The following LTK variants were observed in gnomAD, a reference collection of about 807,000 sequenced individuals.
LTK encodes the protein leukocyte receptor tyrosine kinase.
In LTK, 117 loss-of-function variants were observed where a neutral mutation model predicts 101.5. That is an observed-to-expected ratio of 1.15 (90% CI 0.99 to 1.34). The LOEUF is 1.34. LTK is among the 40% of genes most tolerant of loss of function. The pLI, the probability that LTK is intolerant of heterozygous loss-of-function variation, is 0.00. For synonymous variants in LTK, 563 were observed against 494.2 expected, an observed-to-expected ratio of 1.14 and a Z score of -1.85; for missense variants, 1,252 against 1,164.7, an observed-to-expected ratio of 1.07 and a Z score of -1.09.
At chr15:41,512,563 C>T in intron 3 of LTK, 144 bp downstream of exon 3, 1 of 1,114,666 alleles carries the variant, frequency 9.0e-7, no homozygotes, top group Non-Finnish European at 1.2e-6. Context: ...GTGGCGACTA[C>T]TGCCACCTTG....
In LTK at chr15:41,511,303, G is replaced by C; in HGVS notation, c.858C>G (p.Ala286=). 1.5e-6 allele frequency: 2 copies of C among 1,371,134 alleles called. No individual in the cohort carries two copies. The highest frequency in any genetic ancestry group is 1.9e-6 in the Non-Finnish European group (2 of 1,070,070). 84.9% of individuals were successfully genotyped at this position (1,371,134 alleles called of 1,614,324 possible). Reference sequence around the variant, plus strand: ...CCGCCCCCTCCTGCAGTGAGCGGCCGGCCTGCGGAGAGGGAGCCCGCGACG... The same window carrying C: ...CCGCCCCCTCCTGCAGTGAGCGGCCCGCCTGCGGAGAGGGAGCCCGCGACG... ...GWTSRAPSPQ[A]GRSLQEGAEG... Residue 286 remains alanine, a synonymous_variant, in exon 7 of 20, where the codon GCC becomes GCG. Coordinates refer to ENST00000263800, the MANE Select transcript of LTK (RefSeq NM_002344.6). The surrounding 1 kb of genome is among the most constrained non-coding windows in gnomAD (Gnocchi z 5.9).
Position 41,513,818 on chromosome 15 carries a change from G to A in LTK, c.-109C>T, listed in dbSNP as rs2051578196. The A allele has an allele frequency of 1.0e-6, 1 of 969,614 alleles. No homozygotes were observed. Among genetic ancestry groups the A allele is most frequent in the Admixed American group, 1.8e-5 (1 of 55,258 alleles). 60.1% of individuals were successfully genotyped at this position (969,614 alleles called of 1,614,324 possible). ...ACGGCAGCCCTGGCCACCACTTACAGGGGTGTGCTGCCGCTGGCGAGACAC... is the reference window on the plus strand; with the variant it reads ...ACGGCAGCCCTGGCCACCACTTACAAGGGTGTGCTGCCGCTGGCGAGACAC... On this transcript the variant is annotated 5_prime_UTR_variant, in exon 1 of 20. Transcript: ENST00000263800.
At chr15:41,507,703 C>T (rs2051334019) in intron 9 of LTK, 46 bp from the exon 10 acceptor site, 4 of 1,561,614 alleles carry the variant, frequency 2.6e-6, no homozygotes, top group African/African-American at 1.4e-5. Context: ...CTTCTCTGTT[C>T]CTTTACCCTC....
intron 19 of LTK, 25 bp from the exon 20 acceptor site, chr15:41,504,269 G>A (rs757045412): frequency 6.2e-7 from 1 of 1,607,710 alleles, no homozygotes; most frequent in Non-Finnish European, 8.5e-7. Flanking sequence ...TCAGGGAGCA[G>A]GGGGGCATAG....
chr15:41,506,664 C>T (rs2051295753), intron 11 of LTK, among the ~76,000 whole-genome samples: 1 of 152,116 alleles, frequency 6.6e-6, no homozygotes, highest in Non-Finnish European at 1.5e-5. Flanking sequence ...AATCTCGGCT[C>T]ACCACAACCT....
Position 41,512,753 on chromosome 15 carries a change from G to C in LTK, c.313C>G (p.Leu105Val), listed in dbSNP as rs1240439312. 3 of 1,609,034 alleles carry C rather than the reference G, an allele frequency of 1.9e-6. No individual in the cohort carries two copies. The highest frequency in any genetic ancestry group is 2.7e-5 in the African/African-American group (2 of 75,002). ...VVVTVGAAGQ[L>V]RGVQLWRVPG... ...ACGCGCCACAGCTGCACGCCTCTCAGCTGCCCGGCGGCCCCCACGGTCACC... is the reference window on the plus strand; with the variant it reads ...ACGCGCCACAGCTGCACGCCTCTCACCTGCCCGGCGGCCCCCACGGTCACC... The change falls in exon 3 of 20, where the codon CTG becomes GTG. Residue 105 changes from leucine to valine, a missense_variant. Physicochemically the swap from Leu to Val is conservative, Grantham distance 32 (BLOSUM62 1). Transcript: ENST00000263800.
rs140157761 is a variant in LTK at position 41,508,768 on chromosome 15, C to T, written c.1096+263G>A. 3.8e-3 allele frequency among the ~76,000 whole-genome samples: 585 copies of T among 152,242 alleles called. 4 individuals carry two copies. The highest frequency in any genetic ancestry group is 5.4e-3 in the Non-Finnish European group (370 of 68,008). ...ATAGCAAGGGGGTACTTGAAAAGCA[C>T]GCAGCATGCCCTGCATTGCCATCCA... On this transcript the variant is annotated intron_variant, in intron 8 of 19. Coordinates refer to ENST00000263800, the MANE Select transcript of LTK (RefSeq NM_002344.6).
chr15:41,507,316 A>C (rs1595461820), intron 10 of LTK, 26 bp from the exon 11 acceptor site: 1 of 1,565,870 alleles, frequency 6.4e-7, no homozygotes, highest in African/African-American at 1.4e-5. Flanking sequence ...ATAACGGCAC[A>C]CCCTCCACCT....
intron 11 of LTK, among the ~76,000 whole-genome samples, chr15:41,506,844 C>T (rs1412232018): frequency 6.6e-6 from 1 of 152,214 alleles, no homozygotes; most frequent in Non-Finnish European, 1.5e-5. Flanking sequence ...CCTGCCTCGA[C>T]CTCCCAAAGT....
rs2051504336 is a variant in LTK at position 41,512,241 on chromosome 15, G to T, written c.384C>A (p.Gly128=). 3 of 1,612,668 alleles carry T rather than the reference G, an allele frequency of 1.9e-6. No individual in the cohort carries two copies. Among genetic ancestry groups the T allele is most frequent in the African/African-American group, 2.7e-5 (2 of 75,014 alleles). The change falls in exon 4 of 20, where the codon GGC becomes GGA. Residue 128 remains glycine (G), a synonymous_variant. Transcript: ENST00000263800. ...QYLISAYGAA[G]GKGAKNHLSR... is the part of the protein sequence containing the mutation. ...ACAGGTGGTTCTTGGCGCCTTTGCC[G>T]CCCGCGGCTCCGTAGGCTGAGATCC...
intron 15 of LTK, 70 bp downstream of exon 15, chr15:41,505,138 C>T (rs892891445): frequency 1.9e-6 from 3 of 1,585,588 alleles, no homozygotes; most frequent in East Asian, 2.2e-5. Flanking sequence ...TCCTTAAAAG[C>T]TGTGTGGAAG....
chr15:41,506,122 ACTCTCTC>A (rs1331182396), intron 11 of LTK, 117 bp from the exon 12 acceptor site: 1 of 660,472 alleles, frequency 1.5e-6, no homozygotes, highest in Non-Finnish European at 2.7e-6. Flanking sequence ...CCCTATATAG[ACTCTCTC>A]CATACCATGG....
chr15:41,505,161 G>T, intron 15 of LTK, 47 bp downstream of exon 15: 1 of 1,593,212 alleles, frequency 6.3e-7, no homozygotes. Flanking sequence ...CTGTTCCTTG[G>T]GGAGGGAGTT....
In LTK at chr15:41,506,062, G is replaced by C. The variant is rs1566866297; in HGVS notation, c.1542-57C>G. The C allele has an allele frequency of 3.1e-5, 36 of 1,179,994 alleles. No individual in the cohort carries two copies. In the East Asian group the frequency reaches 8.1e-4, roughly 27 times the overall value. 73.1% of individuals were successfully genotyped at this position (1,179,994 alleles called of 1,614,324 possible). A position where few individuals can be genotyped will look rare whatever the true frequency, so the allele number is the denominator to read the frequency against. On this transcript the variant is annotated intron_variant, in intron 11 of 19. Transcript: ENST00000263800. ...AGGCGGCCTGGAGAAGAGTCCTAGA[G>C]AGTCTAGTACCCCCTTTACCTCCCC... is the stretch of plus-strand genomic sequence containing the variant.
rs375016345 is a variant in LTK at position 41,507,552 on chromosome 15, C to T, written c.1345+10G>A. ...CCTTGAATCAACTGTGCCTGCTAGA[C>T]GCTTCGTACCCAGAATCAGGACCCC... is the stretch of plus-strand genomic sequence containing the variant. On this transcript the variant is annotated intron_variant, in intron 10 of 19. Transcript: ENST00000263800. The T allele has an allele frequency of 1.8e-5, 29 of 1,612,870 alleles. No individual in the cohort carries two copies. The highest frequency in any genetic ancestry group is 1.6e-4 in the Middle Eastern group (1 of 6,080).
intron 4 of LTK, 39 bp downstream of exon 4, chr15:41,512,076 C>G: frequency 6.5e-7 from 1 of 1,538,638 alleles, no homozygotes. Context: ...CCCTCGCCCC[C>G]GGCGCCGGCG....
rs56063273 is a variant in LTK at position 41,513,080 on chromosome 15, A to T, written c.84T>A (p.Phe28Leu). ...CCAGCGGCAGGGGCGAGGACCGCAGAAAAGTCTCCTGGGACCCCGGGCTAG... is the reference window on the plus strand; with the variant it reads ...CCAGCGGCAGGGGCGAGGACCGCAGTAAAGTCTCCTGGGACCCCGGGCTAG... ...LCSSPGSQET[F>L]LRSSPLPLAS... Residue 28 changes from phenylalanine (F) to leucine (L), a missense_variant, in exon 2 of 20, where the codon TTT (phenylalanine) becomes TTA (leucine). By Grantham distance (22) the Phe-to-Leu change is conservative. Coordinates refer to ENST00000263800, the MANE Select transcript of LTK (RefSeq NM_002344.6). 1.9e-5 allele frequency: 31 copies of T among 1,610,842 alleles called. No homozygotes were observed. The highest frequency in any genetic ancestry group is 2.6e-5 in the Non-Finnish European group (31 of 1,178,942).
intron 11 of LTK, 78 bp from the exon 12 acceptor site, chr15:41,506,083 T>G (rs1595459557): frequency 2.2e-6 from 2 of 892,564 alleles, no homozygotes; most frequent in Admixed American, 4.0e-5. Context: ...CCCCTTTACC[T>G]CCCCTGCCCC....
chr15:41,511,962 C>A lies in LTK; in HGVS notation c.512G>T (p.Gly171Val). ...GQQGEDACPG[G>V]SPESQLVCLG... Reference sequence around the variant, plus strand: ...GCAGACGAGCTGGCTCTCCGGGCTACCCTGCGGGCAGCGGGGGAGGGAATC... The same window carrying A: ...GCAGACGAGCTGGCTCTCCGGGCTAACCTGCGGGCAGCGGGGGAGGGAATC... The change falls in exon 5 of 20, where the codon GGT (glycine) becomes GTT (valine). Residue 171 changes from glycine to valine, a missense_variant and splice_region_variant. Coordinates refer to ENST00000263800, the MANE Select transcript of LTK (RefSeq NM_002344.6). This position sits in a 1 kb window ranked among gnomAD's most constrained non-coding sequence, Gnocchi z 5.9. 1 of 1,481,024 alleles carries A rather than the reference C, an allele frequency of 6.8e-7. No individual in the cohort carries two copies. The highest frequency in any genetic ancestry group is 1.4e-5 in the South Asian group (1 of 72,592). 91.7% of individuals were successfully genotyped at this position (1,481,024 alleles called of 1,614,324 possible).
Sources: gnomAD v4.1 joint callset for allele counts (sites outside exome capture counted in the v4.1 genomes callset) on GRCh38, gnomAD v4.1.1 for gene constraint, Gnocchi (gnomAD v3.1) non-coding constraint, MANE v1.5 for transcripts, NCBI Gene and HGNC (gene_info 2026-07-23, HGNC 2026-07-21) for gene names.